MSI2: variants seen among roughly 807,000 people sequenced by gnomAD.
MSI2 encodes the protein musashi RNA binding protein 2, also known as RNA-binding protein Musashi homolog 2.
A neutral mutation model predicts 45.6 loss-of-function variants in MSI2; 17 were observed. The ratio of observed to expected loss-of-function variants is 0.37; its 90% CI spans 0.26 to 0.56. The LOEUF (loss-of-function observed/expected upper bound fraction) is 0.56, where lower values mean the gene tolerates loss of function less well. MSI2 is among the 20% of genes least tolerant of loss of function. MSI2 has a pLI of 0.77. For missense variants in MSI2, 293 were observed against 444.2 expected, an observed-to-expected ratio of 0.66 and a Z score of 3.06; for synonymous variants, 156 against 158.2, an observed-to-expected ratio of 0.99 and a Z score of 0.11.
the MSI2 span, among the ~76,000 whole-genome samples, chr17:57,692,510 A>G: frequency 6.6e-6 from 1 of 152,230 alleles, no homozygotes. Context: ...TATTTTAACC[A>G]TTTTCAGTCA....
chr17:57,645,714 C>T (rs147212334), intron 10 of MSI2, among the ~76,000 whole-genome samples: 1 of 152,178 alleles, frequency 6.6e-6, no homozygotes, highest in East Asian at 1.9e-4. Context: ...AGGCATGAGA[C>T]ACCACACCTG....
chr17:57,639,001 C>G (rs1448926923), intron 10 of MSI2, among the ~76,000 whole-genome samples: 1 of 152,158 alleles, frequency 6.6e-6, no homozygotes, highest in Non-Finnish European at 1.5e-5. Context: ...GGACCACTTC[C>G]TGGTTCGTAG....
chr17:57,657,795 T>A (rs942322470), intron 11 of MSI2, among the ~76,000 whole-genome samples: 2 of 152,172 alleles, frequency 1.3e-5, no homozygotes, highest in Non-Finnish European at 1.5e-5. Context: ...CCTGGAGCTA[T>A]TTGGGTCAGT....
intron 7 of MSI2, among the ~76,000 whole-genome samples, chr17:57,568,824 A>C (rs558115776): frequency 2.6e-5 from 4 of 152,310 alleles, no homozygotes; most frequent in African/African-American, 9.6e-5. Flanking sequence ...GCTTTACACC[A>C]AGGTGGGCCT....
At chr17:57,472,026 CT>C (rs2085447291) in intron 6 of MSI2, among the ~76,000 whole-genome samples, 1 of 152,206 alleles carries the variant, frequency 6.6e-6, no homozygotes. Flanking sequence ...TGAGATGCAG[CT>C]TCTCTCTTGC....
intron 7 of MSI2, among the ~76,000 whole-genome samples, chr17:57,543,580 T>G (rs2087100522): frequency 6.6e-6 from 1 of 152,220 alleles, no homozygotes; most frequent in South Asian, 2.1e-4. Flanking sequence ...GCATCTTAAG[T>G]CTTCTTTTAA....
chr17:57,593,334 CT>C (rs1449179535), intron 7 of MSI2, among the ~76,000 whole-genome samples: 2 of 152,196 alleles, frequency 1.3e-5, no homozygotes, highest in Non-Finnish European at 2.9e-5. Context: ...ACAGAAACTT[CT>C]TGTCTCACAG....
intron 8 of MSI2, among the ~76,000 whole-genome samples, chr17:57,612,947 G>A (rs1390016307): frequency 2.0e-5 from 3 of 152,170 alleles, no homozygotes; most frequent in African/African-American, 7.2e-5. Context: ...GCTTGGGGCA[G>A]GTTCATGCAA....
At position 57,256,736 on chromosome 17, in the gene MSI2, C is replaced by G. The variant is rs1906757365; in HGVS notation, c.-7C>G. The stretch of plus-strand genomic sequence containing the variant: ...TTTTGGGGGTGGGGGGGCGGGGGGG[C>G]TCAGATATGGAGGCAAATGGGAGCC... On this transcript the variant is annotated 5_prime_UTR_variant, in exon 1 of 14. Coordinates refer to ENST00000284073, the MANE Select transcript of MSI2 (RefSeq NM_138962.4). 1.4e-6 allele frequency: 2 copies of G among 1,404,142 alleles called. No homozygotes were observed. Among genetic ancestry groups the G allele is most frequent in the Non-Finnish European group, 1.9e-6 (2 of 1,068,668 alleles). The allele number at this position is 1,404,142 out of a possible 1,614,324, so 87.0% of individuals were successfully genotyped here.
intron 5 of MSI2, among the ~76,000 whole-genome samples, chr17:57,321,802 T>A (rs983277489): frequency 3.4e-5 from 5 of 145,888 alleles, no homozygotes; most frequent in Non-Finnish European, 7.6e-5. Flanking sequence ...TTTAAACAAA[T>A]TTTTTTTTTT....
At chr17:57,277,825 G>T (rs181202563) in intron 5 of MSI2, 1 of 152,330 alleles carries the variant, frequency 6.6e-6, no homozygotes, top group Non-Finnish European at 1.5e-5. Flanking sequence ...ATTCCTGGGG[G>T]CTACTTTTAC....
At chr17:57,588,378 G>A (rs1042096910) in intron 7 of MSI2, among the ~76,000 whole-genome samples, 18 of 152,118 alleles carry the variant, frequency 1.2e-4, no homozygotes, top group African/African-American at 4.3e-4. Flanking sequence ...TCCCTCCAGG[G>A]CAGCTGACTC....
intron 6 of MSI2, chr17:57,448,313 C>G (rs1241779959): frequency 6.6e-6 from 1 of 152,168 alleles, no homozygotes; most frequent in African/African-American, 2.4e-5. Flanking sequence ...CTTAGATGCT[C>G]AGAGAAAAAT....
chr17:57,401,892 C>T (rs1176864820), intron 6 of MSI2, among the ~76,000 whole-genome samples: 1 of 152,148 alleles, frequency 6.6e-6, no homozygotes, highest in Non-Finnish European at 1.5e-5. Context: ...AGCTGAGTCT[C>T]CCTGGGGCCC....
chr17:57,375,471 G>C (rs560354343), intron 5 of MSI2, among the ~76,000 whole-genome samples: 1 of 152,204 alleles, frequency 6.6e-6, no homozygotes, highest in East Asian at 1.9e-4. Context: ...ATTTCTGAGC[G>C]AGTAGAAATG....
chr17:57,580,449 C>T (rs900580230), intron 7 of MSI2, among the ~76,000 whole-genome samples: 2 of 152,230 alleles, frequency 1.3e-5, no homozygotes, highest in Admixed American at 6.5e-5. Context: ...GCCTGCCCCC[C>T]ACACCCTCCA....
At position 57,376,981 on chromosome 17, in the gene MSI2, C is replaced by T. The variant is rs533367322; in HGVS notation, c.313-24398C>T. Among the ~76,000 whole-genome samples the T allele has an allele frequency of 2.7e-4, 40 of 149,948 alleles. No homozygotes were observed. In the South Asian group the frequency reaches 6.7e-3, roughly 25 times the overall value. On this transcript the variant is annotated intron_variant, in intron 5 of 13. Transcript: ENST00000284073. Reference sequence around the variant, plus strand: ...TGTCCCCCAGGCTGGAGGGCAGTGGCGCGATCTCGGCTCACTGCAAGCTCC... The same window carrying T: ...TGTCCCCCAGGCTGGAGGGCAGTGGTGCGATCTCGGCTCACTGCAAGCTCC...
chr17:57,326,429 C>G (rs1215423312), intron 5 of MSI2, among the ~76,000 whole-genome samples: 16 of 152,094 alleles, frequency 1.1e-4, no homozygotes, highest in Admixed American at 1.0e-3. Context: ...TACATCCAAA[C>G]CGATTTGGCC....
the MSI2 span, among the ~76,000 whole-genome samples, chr17:57,699,042 AGAGT>A: frequency 3.2e-4 from 8 of 24,862 alleles, 2 homozygotes; most frequent in East Asian, 2.5e-3. Flanking sequence ...AGAGAGAGAG[AGAGT>A]GTGTGTGTGT....
Sources: allele counts gnomAD v4.1 joint callset (sites outside exome capture counted in the v4.1 genomes callset), GRCh38; gene constraint gnomAD v4.1.1; transcripts MANE v1.5; gene names NCBI Gene and HGNC (gene_info 2026-07-23, HGNC 2026-07-21).